Variants in TG observed in about 807,000 individuals in gnomAD.
TG encodes the protein thyroglobulin, also known as thyroid hormones.
In TG, 270 loss-of-function variants were observed where a neutral mutation model predicts 324.7. The ratio of observed to expected loss-of-function variants is 0.83; its 90% CI spans 0.75 to 0.92. TG has a LOEUF of 0.92. TG is among the 40% of genes least tolerant of loss of function. The pLI, the probability that TG is intolerant of heterozygous loss-of-function variation, is 0.00. For synonymous variants in TG, 1,401 were observed against 1,327.0 expected (o/e 1.06, Z -1.21); for missense variants, 3,591 against 3,456.4 (o/e 1.04, Z -0.98).
intron 28 of TG, among the ~76,000 whole-genome samples, chr8:132,961,551 A>T (rs1306632406): frequency 6.6e-6 from 1 of 152,110 alleles, no homozygotes; most frequent in Non-Finnish European, 1.5e-5. Flanking sequence ...GTCTGACAAC[A>T]TGTATGCTTG....
intron 35 of TG, among the ~76,000 whole-genome samples, chr8:132,995,767 G>A (rs908469005): frequency 7.2e-5 from 11 of 152,120 alleles, no homozygotes; most frequent in Admixed American, 1.3e-4. Flanking sequence ...AATTTTGCTC[G>A]TAATGAACTT....
At chr8:133,130,982 A>C (rs1227034993) in intron 45 of TG, among the ~76,000 whole-genome samples, 1 of 152,332 alleles carries the variant, frequency 6.6e-6, no homozygotes, top group East Asian at 1.9e-4. Flanking sequence ...TCGCCACCGC[A>C]GAGGGAGTGT....
At chr8:132,947,812 G>T (rs1022659005) in intron 26 of TG, among the ~76,000 whole-genome samples, 2 of 151,968 alleles carry the variant, frequency 1.3e-5, no homozygotes, top group Admixed American at 6.6e-5. Context: ...AAGAATTAAG[G>T]GAATTAATAT....
chr8:133,087,537 A>G (rs1846787183), intron 41 of TG, among the ~76,000 whole-genome samples: 1 of 152,224 alleles, frequency 6.6e-6, no homozygotes, highest in Admixed American at 6.5e-5. Flanking sequence ...GTGCTTACAC[A>G]ATAAGTTATA....
chr8:132,983,584 C>T, intron 35 of TG, 172 bp downstream of exon 35: 1 of 688,452 alleles, frequency 1.5e-6, no homozygotes, highest in Non-Finnish European at 2.6e-6. Context: ...AGCAACATGC[C>T]CACTTTGCAG....
intron 45 of TG, among the ~76,000 whole-genome samples, chr8:133,119,421 C>T (rs901882186): frequency 6.6e-6 from 1 of 152,168 alleles, no homozygotes; most frequent in African/African-American, 2.4e-5. Flanking sequence ...TTATAAACAA[C>T]GTAAACTTAT....
Position 133,133,608 on chromosome 8 carries a change from A to T in TG, c.8136A>T (p.Lys2712Asn). 1 of 1,614,198 alleles carries T rather than the reference A, an allele frequency of 6.2e-7. No individual in the cohort carries two copies. The highest frequency in any genetic ancestry group is 8.5e-7 in the Non-Finnish European group (1 of 1,180,024). Reference sequence around the variant, plus strand: ...TCCCCAATCGACAGGGCCTGAAGAAAGCCGACTGCTCCTTCTGGTCCAAGT... The same window carrying T: ...TCCCCAATCGACAGGGCCTGAAGAATGCCGACTGCTCCTTCTGGTCCAAGT... ...ELLPNRQGLKKADCSFWSKYI... is the reference protein window; with the variant it reads ...ELLPNRQGLKNADCSFWSKYI... The change falls in exon 47 of 48, where the codon AAA (lysine) becomes AAT (asparagine). Residue 2712 changes from lysine to asparagine, a missense_variant. Physicochemically the swap from Lys to Asn is moderately conservative, Grantham distance 94. Coordinates refer to ENST00000220616, the MANE Select transcript of TG (RefSeq NM_003235.5).
intron 41 of TG, chr8:133,060,154 T>G: frequency 6.2e-7 from 1 of 1,612,700 alleles, no homozygotes; most frequent in Non-Finnish European, 8.5e-7. Context: ...TTCATGCTGT[T>G]TCCCATTTCT....
chr8:133,073,197 A>G (rs1050510773), intron 41 of TG: 1 of 152,234 alleles, frequency 6.6e-6, no homozygotes, highest in Non-Finnish European at 1.5e-5. Flanking sequence ...AGGTGCAGCT[A>G]TTACGGCACA....
chr8:133,082,475 A>G (rs1183512292), intron 41 of TG, among the ~76,000 whole-genome samples: 1 of 152,220 alleles, frequency 6.6e-6, no homozygotes, highest in Non-Finnish European at 1.5e-5. Context: ...AGCATTGGGC[A>G]CATAGAAGGA....
intron 41 of TG, among the ~76,000 whole-genome samples, chr8:133,090,768 G>T (rs1847378763): frequency 6.6e-6 from 1 of 152,196 alleles, no homozygotes. Context: ...AGCTCAGAAA[G>T]ACAAAGGAAA....
intron 41 of TG, among the ~76,000 whole-genome samples, chr8:133,078,842 G>A (rs1315849037): frequency 2.6e-5 from 4 of 152,234 alleles, no homozygotes; most frequent in Non-Finnish European, 5.9e-5. Flanking sequence ...TTCTCAGGTA[G>A]AGCATGAATG....
intron 35 of TG, chr8:132,995,001 T>G: frequency 1.0e-6 from 1 of 972,250 alleles, no homozygotes; most frequent in Non-Finnish European, 1.2e-6. Context: ...ATTCTCAGCA[T>G]TGGCTCAGTT....
rs559683649 is a variant in TG at position 133,132,277 on chromosome 8, T to G, written c.7997+331T>G. ...ATTGTAGGATGTTTAACAGCATCCT[T>G]GGCCTCTAGATGTCCACCAGATGCC... On this transcript the variant is annotated intron_variant, in intron 46 of 47. Transcript: ENST00000220616. 2.0e-5 allele frequency among the ~76,000 whole-genome samples: 3 copies of G among 152,318 alleles called. No individual in the cohort carries two copies. The East Asian group carries it at 5.8e-4, about 29-fold the overall frequency.
At chr8:133,041,823 C>G (rs1280071350) in intron 41 of TG, among the ~76,000 whole-genome samples, 1 of 139,204 alleles carries the variant, frequency 7.2e-6, no homozygotes, top group Non-Finnish European at 1.5e-5. Context: ...GAGTCTTGCT[C>G]TGTCTCCAGG....
intron 14 of TG, among the ~76,000 whole-genome samples, chr8:132,899,263 A>T (rs1817578911): frequency 6.6e-6 from 1 of 152,248 alleles, no homozygotes; most frequent in African/African-American, 2.4e-5. Context: ...CCCTATGCTT[A>T]CAGTGTCCCA....
intron 41 of TG, among the ~76,000 whole-genome samples, chr8:133,069,257 T>C (rs1843578406): frequency 6.6e-6 from 1 of 152,234 alleles, no homozygotes; most frequent in Non-Finnish European, 1.5e-5. Context: ...TCCTTTTTAT[T>C]CGTACATGTG....
intron 40 of TG, among the ~76,000 whole-genome samples, chr8:133,023,390 G>T (rs181703930): frequency 2.0e-5 from 3 of 151,772 alleles, no homozygotes; most frequent in Non-Finnish European, 1.5e-5. Context: ...AGAGACTCTG[G>T]GTCCCTCATT....
chr8:133,064,381 C>T (rs1376913547), intron 41 of TG, among the ~76,000 whole-genome samples: 1 of 152,222 alleles, frequency 6.6e-6, no homozygotes, highest in Non-Finnish European at 1.5e-5. Flanking sequence ...TTAATGTGTA[C>T]AACCACCTTC....
Sources: gnomAD v4.1 joint callset for allele counts (sites outside exome capture counted in the v4.1 genomes callset) on GRCh38, gnomAD v4.1.1 for gene constraint, MANE v1.5 for transcripts, NCBI Gene and HGNC (gene_info 2026-07-23, HGNC 2026-07-21) for gene names.